TECRL: variants seen among roughly 807,000 people sequenced by gnomAD.
The protein encoded by TECRL is trans-2,3-enoyl-CoA reductase like.
Under a neutral mutation model 52.8 loss-of-function variants are expected in TECRL, and 63 were observed. The observed-to-expected ratio is 1.19, with a 90% confidence interval of 0.97 to 1.47. The LOEUF (loss-of-function observed/expected upper bound fraction) is 1.47. Among genes scored for constraint, TECRL ranks in the 40% most tolerant of loss-of-function variants. TECRL has a pLI of 0.00. For synonymous variants in TECRL, 164 were observed against 141.9 expected (o/e 1.16, Z -1.10); for missense variants, 482 against 429.6 (o/e 1.12, Z -1.08).
chr4:64,376,789 A>G (rs1485378038), intron 1 of TECRL, among the ~76,000 whole-genome samples: 1 of 152,104 alleles, frequency 6.6e-6, no homozygotes, highest in Non-Finnish European at 1.5e-5. Flanking sequence ...ATTATCTTGT[A>G]TTATGCATTG....
At chr4:64,406,573 G>A (rs561848128) in intron 1 of TECRL, among the ~76,000 whole-genome samples, 10 of 151,854 alleles carry the variant, frequency 6.6e-5, no homozygotes, top group African/African-American at 1.9e-4. Flanking sequence ...TGGTCAAAGC[G>A]CTATTCTAAG....
intron 9 of TECRL, among the ~76,000 whole-genome samples, chr4:64,287,636 G>T (rs184250888): frequency 6.6e-6 from 1 of 152,206 alleles, no homozygotes; most frequent in Admixed American, 6.5e-5. Flanking sequence ...GGTGAGTATA[G>T]AAGTAACTGA....
chr4:64,377,954 A>G (rs1577962261), intron 1 of TECRL, among the ~76,000 whole-genome samples: 3 of 152,226 alleles, frequency 2.0e-5, no homozygotes, highest in Admixed American at 2.0e-4. Context: ...AACAGCAACC[A>G]CTTGACATTC....
chr4:64,300,060 T>C (rs574890946), intron 7 of TECRL, 43 bp from the exon 8 acceptor site: 7 of 1,474,036 alleles, frequency 4.7e-6, no homozygotes, highest in Non-Finnish European at 6.5e-6. Context: ...TACTCATAGT[T>C]TGGATTGTCA....
At chr4:64,350,023 G>A (rs1377404779) in intron 2 of TECRL, among the ~76,000 whole-genome samples, 1 of 152,000 alleles carries the variant, frequency 6.6e-6, no homozygotes, top group Non-Finnish European at 1.5e-5. Context: ...CATGTTTAAT[G>A]AATATGGAGT....
In TECRL at chr4:64,315,987, T is replaced by C. The variant is rs139029502; in HGVS notation, c.436-1224A>G. 3.3e-4 allele frequency among the ~76,000 whole-genome samples: 31 copies of C among 95,016 alleles called. 1 individual carries two copies. Among genetic ancestry groups the C allele is most frequent in the African/African-American group, 1.2e-3 (31 of 25,204 alleles). The allele number at this position is 95,016 out of a possible 152,430, so 62.3% of individuals were successfully genotyped here. On this transcript the variant is annotated intron_variant, in intron 4 of 11. Transcript: ENST00000381210. Reference sequence around the variant, plus strand: ...TGAGAGACTGTAGTAATTTATGGCTTACAAAATACCCCATTATTCTATAGA... The same window carrying C: ...TGAGAGACTGTAGTAATTTATGGCTCACAAAATACCCCATTATTCTATAGA...
intron 2 of TECRL, among the ~76,000 whole-genome samples, chr4:64,355,416 A>G: frequency 5.0e-5 from 1 of 19,810 alleles, no homozygotes; most frequent in East Asian, 1.9e-3. Context: ...TCTCCAAATT[A>G]AAAAAAAAAT....
intron 1 of TECRL, among the ~76,000 whole-genome samples, chr4:64,393,689 T>C (rs1723713664): frequency 6.6e-6 from 1 of 151,720 alleles, no homozygotes; most frequent in African/African-American, 2.4e-5. Flanking sequence ...ATTAATATAA[T>C]GAATCTAATA....
chr4:64,402,981 T>C (rs1299668973), intron 1 of TECRL, among the ~76,000 whole-genome samples: 1 of 152,126 alleles, frequency 6.6e-6, no homozygotes, highest in Non-Finnish European at 1.5e-5. Flanking sequence ...ACTTATTGCA[T>C]TTCTCTGTGC....
downstream of TECRL, among the ~76,000 whole-genome samples, chr4:64,277,364 A>G (rs966281346): frequency 6.6e-6 from 1 of 151,976 alleles, no homozygotes; most frequent in Non-Finnish European, 1.5e-5. Flanking sequence ...GTAGTTGATC[A>G]TATAGCTGCA....
intron 1 of TECRL, among the ~76,000 whole-genome samples, chr4:64,384,966 G>A (rs770582996): frequency 3.3e-5 from 5 of 152,306 alleles, no homozygotes; most frequent in East Asian, 1.9e-4. Flanking sequence ...ACATCCAGCA[G>A]TGGCAGTGGT....
chr4:64,290,915 C>A (rs1723345744), intron 8 of TECRL, among the ~76,000 whole-genome samples: 1 of 151,972 alleles, frequency 6.6e-6, no homozygotes, highest in Admixed American at 6.6e-5. Flanking sequence ...AAATTTTGTA[C>A]CAACATAACT....
intron 2 of TECRL, among the ~76,000 whole-genome samples, chr4:64,335,037 C>A (rs1230183515): frequency 6.6e-6 from 1 of 152,176 alleles, no homozygotes; most frequent in Non-Finnish European, 1.5e-5. Context: ...AAACAGTAAT[C>A]AGACCTGATT....
At chr4:64,386,006 A>T (rs1241216593) in intron 1 of TECRL, among the ~76,000 whole-genome samples, 1 of 152,036 alleles carries the variant, frequency 6.6e-6, no homozygotes, top group Non-Finnish European at 1.5e-5. Context: ...GCCCTATCCA[A>T]CCTGTGATCA....
rs994696292 is a variant in TECRL, at chr4:64,284,950, A to G, written c.833-3391T>C. Among the ~76,000 whole-genome samples, 6 of 152,110 alleles carry G rather than the reference A, an allele frequency of 3.9e-5. 1 individual carries two copies. The highest frequency in any genetic ancestry group is 3.9e-4 in the Admixed American group (6 of 15,238). Reference sequence around the variant, plus strand: ...TGTAACACCAAAACAAATGCACATGATAATGATTTCAGTGATCTTTACTAA... The same window carrying G: ...TGTAACACCAAAACAAATGCACATGGTAATGATTTCAGTGATCTTTACTAA... On this transcript the variant is annotated intron_variant, in intron 9 of 11. Coordinates refer to ENST00000381210, the MANE Select transcript of TECRL (RefSeq NM_001010874.5).
chr4:64,402,754 G>T (rs146496918), intron 1 of TECRL, among the ~76,000 whole-genome samples: 1 of 152,046 alleles, frequency 6.6e-6, no homozygotes, highest in Non-Finnish European at 1.5e-5. Flanking sequence ...GTGAATTGGG[G>T]TACATAAGAG....
chr4:64,301,244 C>T (rs1309127861), intron 7 of TECRL, among the ~76,000 whole-genome samples: 1 of 150,712 alleles, frequency 6.6e-6, no homozygotes, highest in African/African-American at 2.4e-5. Flanking sequence ...ATTATTTTCC[C>T]CTTTGACATA....
rs556199232 is a variant in TECRL, at chr4:64,409,393, A to G, written c.-42T>C. The G allele has an allele frequency of 6.3e-7, 1 of 1,597,148 alleles. No individual in the cohort carries two copies. Among genetic ancestry groups the G allele is most frequent in the South Asian group, 1.1e-5 (1 of 89,358 alleles). ...AGGGTCTGTCATGTCAAAAGTAGAA[A>G]ATTGCAAGTGTGTTCCTTTTGCATC... On this transcript the variant is annotated 5_prime_UTR_variant, in exon 1 of 12. Transcript: ENST00000381210.
chr4:64,407,075 C>T (rs1724783195), intron 1 of TECRL, among the ~76,000 whole-genome samples: 1 of 151,476 alleles, frequency 6.6e-6, no homozygotes, highest in South Asian at 2.1e-4. Context: ...TATTATGAAA[C>T]AGTTTATCAA....
Sources: gnomAD v4.1 joint callset for allele counts (sites outside exome capture counted in the v4.1 genomes callset) on GRCh38, gnomAD v4.1.1 for gene constraint, MANE v1.5 for transcripts, NCBI Gene and HGNC (gene_info 2026-07-23, HGNC 2026-07-21) for gene names.